The following MAP3K4 variants were observed in gnomAD, a reference collection of about 807,000 sequenced individuals.
MAP3K4 encodes MAP three kinase 1.
MAP3K4 carries 67 observed loss-of-function variants against 185.6 expected under a neutral mutation model. The ratio of observed to expected loss-of-function variants is 0.36; its 90% CI spans 0.30 to 0.44. MAP3K4 has a LOEUF of 0.44. Ranked by LOEUF, MAP3K4 falls within the 20% of genes least tolerant of loss-of-function variation. MAP3K4 has a pLI of 1.00. For synonymous variants in MAP3K4, 702 were observed against 710.4 expected (o/e 0.99, Z 0.19); for missense variants, 1,551 against 1,995.1 (o/e 0.78, Z 4.24).
At position 161,074,555 on chromosome 6, in the gene MAP3K4, T is replaced by C. The variant is rs1486190153; in HGVS notation, c.2097+943T>C. On this transcript the variant is annotated intron_variant, in intron 5 of 26. Transcript: ENST00000392142. This position sits in a 1 kb window ranked among gnomAD's most constrained non-coding sequence, Gnocchi z 5.0. Reference sequence around the variant, plus strand: ...TTTAACATTTAAACAGAGACTCTTTTCTCAGGTTGCCCTAATTAGACTGAA... The same window carrying C: ...TTTAACATTTAAACAGAGACTCTTTCCTCAGGTTGCCCTAATTAGACTGAA... Among the ~76,000 whole-genome samples the C allele has an allele frequency of 6.6e-6, 1 of 152,246 alleles. No individual in the cohort carries two copies. The highest frequency in any genetic ancestry group is 1.9e-4 in the East Asian group (1 of 5,198).
intron 1 of MAP3K4, chr6:160,992,307 C>T (rs1204809532): frequency 1.9e-5 from 11 of 566,128 alleles, no homozygotes; most frequent in Admixed American, 4.0e-5. Context: ...GGGTTCCGCT[C>T]GAGCGTGTTG....
At position 161,051,457 on chromosome 6, in the gene MAP3K4, T is replaced by C. The variant is rs1048725065; in HGVS notation, c.1707+1478T>C. ...CATGAACCAGTGCTTTGTAGCTATA[T>C]TTTAAGAGATTTACTTTGAATATTA... On this transcript the variant is annotated intron_variant, in intron 3 of 26. Coordinates refer to ENST00000392142, the MANE Select transcript of MAP3K4 (RefSeq NM_005922.4). The surrounding 1 kb of genome is among the most constrained non-coding windows in gnomAD (Gnocchi z 4.2). Among the ~76,000 whole-genome samples the C allele has an allele frequency of 6.6e-6, 1 of 152,242 alleles. No individual in the cohort carries two copies. Among genetic ancestry groups the C allele is most frequent in the Admixed American group, 6.5e-5 (1 of 15,290 alleles).
rs1478445117 is a variant in MAP3K4 at position 161,056,567 on chromosome 6, C to T, written c.1707+6588C>T. 6.6e-6 allele frequency among the ~76,000 whole-genome samples: 1 copy of T among 152,200 alleles called. No individual in the cohort carries two copies. The highest frequency in any genetic ancestry group is 1.9e-4 in the East Asian group (1 of 5,202). On this transcript the variant is annotated intron_variant, in intron 3 of 26. Transcript: ENST00000392142. The surrounding 1 kb of genome is among the most constrained non-coding windows in gnomAD (Gnocchi z 5.4). Reference sequence around the variant, plus strand: ...ATAGTGAGAAACCTGGCTACCATTACTACAATTAATTACATGTTTGTTCAA... The same window carrying T: ...ATAGTGAGAAACCTGGCTACCATTATTACAATTAATTACATGTTTGTTCAA...
At chr6:161,078,693 G>A (rs1435425584) in intron 5 of MAP3K4, among the ~76,000 whole-genome samples, 1 of 152,206 alleles carries the variant, frequency 6.6e-6, no homozygotes, top group African/African-American at 2.4e-5. Context: ...AGGCAGTCAG[G>A]AAGCTGGACT....
At chr6:161,059,019 A>G (rs1049389646) in intron 3 of MAP3K4, among the ~76,000 whole-genome samples, 3 of 152,158 alleles carry the variant, frequency 2.0e-5, no homozygotes, top group Admixed American at 2.0e-4. Flanking sequence ...TTTGATATGT[A>G]TTGCCAAATT....
chr6:161,109,040 A>C lies in MAP3K4; in HGVS notation c.4236+181A>C. ...TGAAACTAGAGGAGTTCCTCCTAAAATGTAAGTTGTAGACTGTAGTCATTA... is the reference window on the plus strand; with the variant it reads ...TGAAACTAGAGGAGTTCCTCCTAAACTGTAAGTTGTAGACTGTAGTCATTA... On this transcript the variant is annotated intron_variant, in intron 22 of 26. Coordinates refer to ENST00000392142, the MANE Select transcript of MAP3K4 (RefSeq NM_005922.4). This position sits in a 1 kb window ranked among gnomAD's most constrained non-coding sequence, Gnocchi z 5.7. 1 of 1,533,216 alleles carries C rather than the reference A, an allele frequency of 6.5e-7. No individual in the cohort carries two copies. The highest frequency in any genetic ancestry group is 1.2e-5 in the South Asian group (1 of 84,586). 95.0% of individuals were successfully genotyped at this position (1,533,216 alleles called of 1,614,324 possible).
intron 18 of MAP3K4, among the ~76,000 whole-genome samples, chr6:161,102,427 A>G (rs1777877227): frequency 6.6e-6 from 1 of 152,144 alleles, no homozygotes; most frequent in Non-Finnish European, 1.5e-5. Context: ...TGAAGTCCCT[A>G]AGGAATCCAC....
At chr6:161,050,751 T>C (rs1783966333) in intron 3 of MAP3K4, among the ~76,000 whole-genome samples, 1 of 152,254 alleles carries the variant, frequency 6.6e-6, no homozygotes, top group Non-Finnish European at 1.5e-5. Context: ...AAAATAGTAC[T>C]GTACAAGTGA....
rs964798769 is a variant in MAP3K4 at position 161,070,720 on chromosome 6, T to C, written c.1820T>C (p.Met607Thr). The change falls in exon 4 of 27, where the codon ATG becomes ACG. Residue 607 changes from methionine to threonine, a missense_variant. Met to Thr is a moderately conservative substitution (Grantham distance 81). Around this residue, in one of 16 missense-constraint regions of MAP3K4, gnomAD observed 86 missense variants for 81.6 expected, o/e 1.05. Transcript: ENST00000392142. The surrounding 1 kb of genome is among the most constrained non-coding windows in gnomAD (Gnocchi z 4.5). ...SAVSWEELKAMDLPSFEPAFL... is the reference protein window; with the variant it reads ...SAVSWEELKATDLPSFEPAFL... The stretch of plus-strand genomic sequence containing the variant: ...GTGTCGTGGGAGGAGCTGAAGGCCA[T>C]GGATTTACCTTCATTCGAACCTGCC... 1.2e-6 allele frequency: 2 copies of C among 1,614,020 alleles called. No homozygotes were observed. The highest frequency in any genetic ancestry group is 1.7e-6 in the Non-Finnish European group (2 of 1,180,026).
At chr6:161,036,650 TATC>T (rs1312338449) in intron 2 of MAP3K4, among the ~76,000 whole-genome samples, 1 of 152,214 alleles carries the variant, frequency 6.6e-6, no homozygotes, top group African/African-American at 2.4e-5. Context: ...TCTTCACAGT[TATC>T]ATTAGCAATT....
chr6:161,100,909 A>C lies in MAP3K4; in HGVS notation c.3675-983A>C, dbSNP rs1312429733. On this transcript the variant is annotated intron_variant, in intron 17 of 26. Transcript: ENST00000392142. The surrounding 1 kb of genome is among the most constrained non-coding windows in gnomAD (Gnocchi z 5.8). ...GAAATGTCCCCATCACTTCAGACTTAACAAGTGCTATACTAGATTTGAGGG... is the reference window on the plus strand; with the variant it reads ...GAAATGTCCCCATCACTTCAGACTTCACAAGTGCTATACTAGATTTGAGGG... 2 of 152,144 alleles carry C rather than the reference A, an allele frequency of 1.3e-5. No individual in the cohort carries two copies. Among genetic ancestry groups the C allele is most frequent in the Non-Finnish European group, 2.9e-5 (2 of 68,034 alleles). 9.4% of individuals were successfully genotyped at this position (152,144 alleles called of 1,614,324 possible).
chr6:161,082,802 G>C lies in MAP3K4; in HGVS notation c.2256-1699G>C, dbSNP rs983240345. On this transcript the variant is annotated intron_variant, in intron 6 of 26. Transcript: ENST00000392142. This position sits in a 1 kb window ranked among gnomAD's most constrained non-coding sequence, Gnocchi z 4.2. The stretch of plus-strand genomic sequence containing the variant: ...ATTTCTCACGTATGTTATTGCAGTA[G>C]CTCTCTAAACAGTCTCCCTACTTCT... Among the ~76,000 whole-genome samples the C allele has an allele frequency of 2.0e-5, 3 of 152,130 alleles. No individual in the cohort carries two copies. Among genetic ancestry groups the C allele is most frequent in the African/African-American group, 7.2e-5 (3 of 41,422 alleles).
chr6:161,116,479 G>C lies in MAP3K4; in HGVS notation c.4807-371G>C, dbSNP rs1037999116. On this transcript the variant is annotated intron_variant, in intron 26 of 26. Transcript: ENST00000392142. The surrounding 1 kb of genome is among the most constrained non-coding windows in gnomAD (Gnocchi z 6.2). ...GGAAAGGAAGGGGCAGAAGAGTGGG[G>C]TGATGCTCTTATTGGTAAGTGGGAG... Among the ~76,000 whole-genome samples the C allele has an allele frequency of 6.6e-6, 1 of 152,114 alleles. No homozygotes were observed. Among genetic ancestry groups the C allele is most frequent in the South Asian group, 2.1e-4 (1 of 4,822 alleles).
intron 11 of MAP3K4, among the ~76,000 whole-genome samples, chr6:161,089,833 A>G (rs1463919198): frequency 1.3e-5 from 2 of 152,226 alleles, no homozygotes; most frequent in Non-Finnish European, 2.9e-5. Flanking sequence ...ACTCCATATC[A>G]GCAGTGTGTA....
chr6:161,016,982 A>G (rs929278670), intron 1 of MAP3K4, among the ~76,000 whole-genome samples: 2 of 152,186 alleles, frequency 1.3e-5, no homozygotes, highest in Admixed American at 6.5e-5. Flanking sequence ...AGCATTTTGT[A>G]ACATATCCCA....
chr6:161,089,712 A>G (rs1029773582), intron 11 of MAP3K4, among the ~76,000 whole-genome samples: 8 of 152,246 alleles, frequency 5.3e-5, no homozygotes, highest in Non-Finnish European at 1.0e-4. Flanking sequence ...ACTTATTCAT[A>G]ATGGCTACAT....
intron 1 of MAP3K4, among the ~76,000 whole-genome samples, chr6:161,014,563 CT>C (rs1435790375): frequency 3.3e-5 from 5 of 152,096 alleles, no homozygotes; most frequent in Non-Finnish European, 7.4e-5. Context: ...GAGATAGTCC[CT>C]TTTTTTATAT....
rs1229616872 is a variant in MAP3K4 at position 161,107,046 on chromosome 6, G to GCACACA, written c.4048+342_4048+343insACACAC. ...TTTCTCTCTCTCTCTCTACACACGC[G>GCACACA]CGCGCACACACACACACACACACAC... On this transcript the variant is annotated intron_variant, in intron 20 of 26. Transcript: ENST00000392142. This position sits in a 1 kb window ranked among gnomAD's most constrained non-coding sequence, Gnocchi z 6.2. 9.4e-6 allele frequency among the ~76,000 whole-genome samples: 1 copy of GCACACA among 106,560 alleles called. No homozygotes were observed. Among genetic ancestry groups the GCACACA allele is most frequent in the Non-Finnish European group, 2.0e-5 (1 of 50,946 alleles). 69.9% of individuals were successfully genotyped at this position (106,560 alleles called of 152,430 possible).
In MAP3K4 at chr6:161,107,855, C is replaced by T. The variant is rs971240800; in HGVS notation, c.4049-44C>T. ...ACAAGTTTAAGGAATGTAAGACAGC[C>T]CCCTGCAGTGGCTGGAAGTGCAGCT... is the stretch of plus-strand genomic sequence containing the variant. On this transcript the variant is annotated intron_variant, in intron 20 of 26. Coordinates refer to ENST00000392142, the MANE Select transcript of MAP3K4 (RefSeq NM_005922.4). This position sits in a 1 kb window ranked among gnomAD's most constrained non-coding sequence, Gnocchi z 6.2. 7.4e-7 allele frequency: 1 copy of T among 1,354,874 alleles called. No homozygotes were observed. Among genetic ancestry groups the T allele is most frequent in the Non-Finnish European group, 1.1e-6 (1 of 944,726 alleles). 83.9% of individuals were successfully genotyped at this position (1,354,874 alleles called of 1,614,324 possible). A position where few individuals can be genotyped will look rare whatever the true frequency, so the allele number is the denominator to read the frequency against.
Sources: gnomAD v4.1 joint callset for allele counts (sites outside exome capture counted in the v4.1 genomes callset) on GRCh38, gnomAD v4.1.1 for gene constraint, gnomAD v4.1.1 regional missense constraint, Gnocchi (gnomAD v3.1) non-coding constraint, MANE v1.5 for transcripts, NCBI Gene and HGNC (gene_info 2026-07-23, HGNC 2026-07-21) for gene names.